The following ABCA12 variants were observed in gnomAD, a reference collection of about 807,000 sequenced individuals.
ABCA12 encodes the protein ATP binding cassette subfamily A member 12, also known as glucosylceramide transporter ABCA12.
ABCA12 carries 156 observed loss-of-function variants against 293.5 expected under a neutral mutation model. The observed-to-expected ratio is 0.53, with a 90% CI of 0.47 to 0.61. ABCA12 has a LOEUF of 0.61. Among genes scored for constraint, ABCA12 ranks in the 20% least tolerant of loss-of-function variants. ABCA12 has a pLI of 0.00. For synonymous variants in ABCA12, 1,063 were observed against 1,108.0 expected (o/e 0.96, Z 0.81); for missense variants, 2,797 against 3,090.2 (o/e 0.91, Z 2.25).
chr2:215,022,594 G>A (rs957019721), intron 11 of ABCA12: 12 of 152,162 alleles, frequency 7.9e-5, no homozygotes, highest in African/African-American at 2.9e-4. Flanking sequence ...GCTTCATGTA[G>A]AGCCCTTCTC....
intron 24 of ABCA12, 99 bp from the exon 25 acceptor site, chr2:214,989,720 T>C: frequency 8.0e-7 from 1 of 1,252,378 alleles, no homozygotes; most frequent in East Asian, 2.5e-5. Context: ...TTTGTATAGA[T>C]AAAATTGATG....
intron 2 of ABCA12, among the ~76,000 whole-genome samples, chr2:215,109,873 G>A (rs1702535774): frequency 6.6e-6 from 1 of 152,104 alleles, no homozygotes; most frequent in African/African-American, 2.4e-5. Flanking sequence ...GGTGAAAATA[G>A]GTGTTGAAAG....
At position 215,134,616 on chromosome 2, in the gene ABCA12, T is replaced by TAG. The variant is rs1212910485; in HGVS notation, c.69+3522_69+3523dup. On this transcript the variant is annotated intron_variant, in intron 1 of 52. Coordinates refer to ENST00000272895, the MANE Select transcript of ABCA12 (RefSeq NM_173076.3). ...CTCTCTCTCTATATATATATATATA[T>TAG]AGAGAGAGAGAGAGAGAGAGAGAGA... Among the ~76,000 whole-genome samples the TAG allele has an allele frequency of 4.9e-3, 393 of 80,622 alleles. 26 individuals are homozygous for TAG. Among genetic ancestry groups the TAG allele is most frequent in the African/African-American group, 0.015 (230 of 15,486 alleles). The allele number at this position is 80,622 out of a possible 152,430, so 52.9% of individuals were successfully genotyped here.
At chr2:215,024,194 A>G (rs979979967) in intron 11 of ABCA12, among the ~76,000 whole-genome samples, 2 of 152,110 alleles carry the variant, frequency 1.3e-5, no homozygotes, top group Non-Finnish European at 2.9e-5. Context: ...CTTACAATCC[A>G]TGTTAGATAT....
At position 215,010,357 on chromosome 2, in the gene ABCA12, G is replaced by A; in HGVS notation, c.2446C>T (p.Pro816Ser). The A allele has an allele frequency of 6.2e-7, 1 of 1,613,686 alleles. No individual in the cohort carries two copies. Among genetic ancestry groups the A allele is most frequent in the South Asian group, 1.1e-5 (1 of 91,070 alleles). The change falls in exon 18 of 53, where the codon CCA becomes TCA. Residue 816 changes from proline to serine, a missense_variant. Coordinates refer to ENST00000272895, the MANE Select transcript of ABCA12 (RefSeq NM_173076.3). Reference sequence around the variant, plus strand: ...TTTTCCATTATTGCCTTTGTGACTGGGTTATATGGTGCATACAAAATTCTT... The same window carrying A: ...TTTTCCATTATTGCCTTTGTGACTGAGTTATATGGTGCATACAAAATTCTT... ...LGRILYAPYN[P>S]VTKAIMEKSN... is the part of the protein sequence containing the mutation.
intron 1 of ABCA12, among the ~76,000 whole-genome samples, chr2:215,126,630 T>C (rs1702928650): frequency 6.6e-6 from 1 of 152,196 alleles, no homozygotes; most frequent in Non-Finnish European, 1.5e-5. Flanking sequence ...TGTATTTCAA[T>C]GGTGTCAGTT....
At position 215,007,732 on chromosome 2, in the gene ABCA12, G is replaced by A; in HGVS notation, c.2587C>T (p.Leu863Phe). Residue 863 changes from leucine to phenylalanine, a missense_variant, in exon 19 of 53, where the codon CTC becomes TTC. Leu to Phe is a conservative substitution (Grantham distance 22). Transcript: ENST00000272895. ...ATGACAGAAGCATCTCATACCTGGA[G>A]CATTGGAATTGCCTGGTTTAACAGA... ...FHLLNQAIPM[L>F]QNTLRNPFVQ... 1.2e-6 allele frequency: 2 copies of A among 1,613,952 alleles called. No homozygotes were observed. Among genetic ancestry groups the A allele is most frequent in the Non-Finnish European group, 1.7e-6 (2 of 1,179,914 alleles).
intron 8 of ABCA12, among the ~76,000 whole-genome samples, chr2:215,036,311 T>C (rs553984070): frequency 1.3e-5 from 2 of 152,356 alleles, no homozygotes; most frequent in Non-Finnish European, 2.9e-5. Flanking sequence ...ATGCTTATTT[T>C]GTAATCTAAA....
chr2:214,982,518 G>C (rs2105966937), intron 29 of ABCA12, 135 bp from the exon 30 acceptor site: 2 of 667,486 alleles, frequency 3.0e-6, no homozygotes, highest in East Asian at 5.6e-5. Context: ...AACTCTTGAG[G>C]ATTCATAATA....
intron 14 of ABCA12, among the ~76,000 whole-genome samples, chr2:215,016,439 C>T (rs1276236931): frequency 5.3e-5 from 8 of 150,732 alleles, no homozygotes; most frequent in Non-Finnish European, 1.0e-4. Context: ...AAAAATTAGC[C>T]GGGCGTGGTG....
At chr2:215,033,765 C>T (rs1700930303) in intron 8 of ABCA12, among the ~76,000 whole-genome samples, 2 of 151,980 alleles carry the variant, frequency 1.3e-5, no homozygotes, top group Admixed American at 6.6e-5. Flanking sequence ...CACGGTGACA[C>T]CCCGTCTCTA....
chr2:215,076,852 T>C (rs539654299), intron 2 of ABCA12, among the ~76,000 whole-genome samples: 51 of 152,302 alleles, frequency 3.3e-4, no homozygotes, highest in African/African-American at 1.2e-3. Flanking sequence ...AAACATAATG[T>C]TGAGCCCAAA....
chr2:215,034,703 C>T (rs1700954311), intron 8 of ABCA12, among the ~76,000 whole-genome samples: 1 of 152,186 alleles, frequency 6.6e-6, no homozygotes, highest in South Asian at 2.1e-4. Context: ...ACAGGCCAAG[C>T]ACCCAGCCTC....
chr2:215,105,283 G>A (rs1225043491), intron 2 of ABCA12, among the ~76,000 whole-genome samples: 1 of 152,120 alleles, frequency 6.6e-6, no homozygotes, highest in East Asian at 1.9e-4. Flanking sequence ...GATCAGACAA[G>A]GCTAAATGGG....
At chr2:214,968,077 A>G (rs1319710320) in intron 38 of ABCA12, among the ~76,000 whole-genome samples, 1 of 152,140 alleles carries the variant, frequency 6.6e-6, no homozygotes, top group East Asian at 1.9e-4. Context: ...TCATTTCTAA[A>G]TAGTTTTGAC....
chr2:214,981,150 T>C (rs1051099565), intron 30 of ABCA12, among the ~76,000 whole-genome samples: 1 of 151,970 alleles, frequency 6.6e-6, no homozygotes, highest in African/African-American at 2.4e-5. Flanking sequence ...TCTTAAATAT[T>C]TGGACGCATT....
intron 20 of ABCA12, among the ~76,000 whole-genome samples, chr2:215,003,131 A>G (rs1559140724): frequency 6.6e-6 from 1 of 152,084 alleles, no homozygotes. Context: ...AACCTAAATC[A>G]TTTACGTCCC....
intron 23 of ABCA12, among the ~76,000 whole-genome samples, chr2:214,996,835 G>T (rs940275): frequency 0.94 from 143,732 of 152,276 alleles, 68,352 homozygotes; most frequent in East Asian, 1. Context: ...AGGACAAGTG[G>T]ATGGACGGGT....
chr2:215,132,346 A>G (rs1339917796), intron 1 of ABCA12, among the ~76,000 whole-genome samples: 1 of 151,948 alleles, frequency 6.6e-6, no homozygotes, highest in Non-Finnish European at 1.5e-5. Flanking sequence ...GTTGAAGTCC[A>G]CCACTATTAT....
Sources: gnomAD v4.1 joint callset for allele counts (sites outside exome capture counted in the v4.1 genomes callset) on GRCh38, gnomAD v4.1.1 for gene constraint, MANE v1.5 for transcripts, NCBI Gene and HGNC (gene_info 2026-07-23, HGNC 2026-07-21) for gene names.